The following FANCL variants were observed in gnomAD, a reference collection of about 807,000 sequenced individuals.
FANCL encodes the protein FA complementation group L.
FANCL carries 69 observed loss-of-function variants against 59.4 expected under a neutral mutation model. The observed-to-expected ratio is 1.16, with a 90% CI of 0.96 to 1.42. The LOEUF (loss-of-function observed/expected upper bound fraction) is 1.42, where lower values mean the gene tolerates loss of function less well. FANCL is among the 40% of genes most tolerant of loss of function. The pLI, the probability that FANCL is intolerant of heterozygous loss-of-function variation, is 0.00. For synonymous variants in FANCL, 180 were observed against 147.1 expected, an observed-to-expected ratio of 1.22 and a Z score of -1.62; for missense variants, 519 against 447.2, an observed-to-expected ratio of 1.16 and a Z score of -1.45.
At chr2:58,185,808 G>C (rs1688343917) in intron 7 of FANCL, among the ~76,000 whole-genome samples, 3 of 152,106 alleles carry the variant, frequency 2.0e-5, no homozygotes, top group Admixed American at 2.0e-4. Context: ...CAAAAATTCT[G>C]TTAGTTCCAT....
chr2:58,168,343 AG>A (rs1457828990), intron 7 of FANCL, among the ~76,000 whole-genome samples: 1 of 152,152 alleles, frequency 6.6e-6, no homozygotes, highest in African/African-American at 2.4e-5. Flanking sequence ...AGGAAGCGCA[AG>A]GGGTTGGGGA....
chr2:58,223,160 G>C (rs1362192156), intron 4 of FANCL, among the ~76,000 whole-genome samples: 1 of 150,894 alleles, frequency 6.6e-6, no homozygotes, highest in African/African-American at 2.4e-5. Context: ...AAACAACTGG[G>C]AAAACAGATC....
chr2:58,222,396 A>AT (rs1692574735), intron 4 of FANCL, among the ~76,000 whole-genome samples: 1 of 152,050 alleles, frequency 6.6e-6, no homozygotes, highest in African/African-American at 2.4e-5. Context: ...TGATATATAC[A>AT]TTTTTTAAAA....
At chr2:58,222,750 T>G (rs1386423369) in intron 4 of FANCL, among the ~76,000 whole-genome samples, 2 of 152,086 alleles carry the variant, frequency 1.3e-5, no homozygotes, top group South Asian at 4.1e-4. Context: ...GTTACCAACC[T>G]AGATAGACAG....
At chr2:58,229,052 T>C (rs1375455616) in intron 3 of FANCL, among the ~76,000 whole-genome samples, 2 of 152,198 alleles carry the variant, frequency 1.3e-5, no homozygotes, top group African/African-American at 2.4e-5. Context: ...CTTCATTCTA[T>C]AAATCAAATA....
chr2:58,234,456 T>C (rs941336624), intron 1 of FANCL, among the ~76,000 whole-genome samples: 1 of 150,646 alleles, frequency 6.6e-6, no homozygotes, highest in African/African-American at 2.4e-5. Context: ...GCAAGAAAAT[T>C]ACCAAATGAG....
chr2:58,225,591 C>A (rs1692921226), intron 4 of FANCL, among the ~76,000 whole-genome samples: 1 of 151,858 alleles, frequency 6.6e-6, no homozygotes, highest in South Asian at 2.1e-4. Context: ...ACCAAGGAAC[C>A]ATCAGATACC....
intron 7 of FANCL, among the ~76,000 whole-genome samples, chr2:58,175,383 C>G (rs1414744349): frequency 6.7e-6 from 1 of 150,260 alleles, no homozygotes; most frequent in African/African-American, 2.5e-5. Context: ...CAAAAATCCT[C>G]AATAAAATAC....
chr2:58,200,089 G>A (rs1007042486), intron 6 of FANCL, among the ~76,000 whole-genome samples: 4 of 150,244 alleles, frequency 2.7e-5, no homozygotes, highest in African/African-American at 9.8e-5. Context: ...AAATATTCCA[G>A]TGGTCTACTT....
intron 5 of FANCL, among the ~76,000 whole-genome samples, 170 bp from the exon 6 acceptor site, chr2:58,204,396 G>A (rs1035341784): frequency 3.9e-5 from 6 of 152,148 alleles, no homozygotes; most frequent in Non-Finnish European, 5.9e-5. Context: ...ATTTACTGCC[G>A]TTCATATACC....
chr2:58,220,522 T>C (rs528803572), intron 5 of FANCL, among the ~76,000 whole-genome samples: 2 of 152,338 alleles, frequency 1.3e-5, no homozygotes, highest in East Asian at 3.9e-4. Flanking sequence ...ACAGTGCATT[T>C]TTATCACCTC....
intron 7 of FANCL, among the ~76,000 whole-genome samples, chr2:58,198,081 G>A (rs562126730): frequency 2.6e-5 from 4 of 152,016 alleles, no homozygotes; most frequent in South Asian, 2.1e-4. Flanking sequence ...GGGTGTGGGT[G>A]TGAGTGGGTG....
Position 58,226,908 on chromosome 2 carries a change from T to C in FANCL, c.217-124A>G, listed in dbSNP as rs966214765. On this transcript the variant is annotated intron_variant, in intron 3 of 13. Transcript: ENST00000233741. ...ATTAGCTATATCTACATCTGAAAAC[T>C]ATAAGAAATGAAGTATCGGTCATCA... 2.4e-5 allele frequency: 19 copies of C among 785,842 alleles called. No individual in the cohort carries two copies. In the African/African-American group the frequency reaches 2.8e-4, roughly 12 times the overall value. 48.7% of individuals were successfully genotyped at this position (785,842 alleles called of 1,614,324 possible).
At chr2:58,191,214 T>C (rs1198508095) in intron 7 of FANCL, among the ~76,000 whole-genome samples, 1 of 151,864 alleles carries the variant, frequency 6.6e-6, no homozygotes, top group Non-Finnish European at 1.5e-5. Context: ...AGAATGTTAA[T>C]AAATTATACT....
intron 6 of FANCL, among the ~76,000 whole-genome samples, chr2:58,199,228 G>C (rs904382246): frequency 2.0e-5 from 3 of 152,142 alleles, no homozygotes; most frequent in African/African-American, 7.2e-5. Flanking sequence ...AATGAATTAA[G>C]TCAGCGTTGT....
intron 7 of FANCL, 152 bp from the exon 8 acceptor site, chr2:58,166,026 T>TCA: frequency 1.4e-6 from 1 of 702,234 alleles, no homozygotes; most frequent in Non-Finnish European, 2.4e-6. Context: ...TCTCCCTGCT[T>TCA]CACATCTCTT....
intron 1 of FANCL, among the ~76,000 whole-genome samples, chr2:58,235,523 G>C (rs904982028): frequency 6.6e-6 from 1 of 152,098 alleles, no homozygotes; most frequent in African/African-American, 2.4e-5. Context: ...CTGTTTCCAA[G>C]TAATTTAACT....
chr2:58,217,203 TATATATATATATACACACACACACACAC>T (rs1691902597), intron 5 of FANCL, among the ~76,000 whole-genome samples: 2 of 8,730 alleles, frequency 2.3e-4, no homozygotes, highest in African/African-American at 3.7e-4. Context: ...TATATATATA[TATATATATATATACACACACACACACAC>T]ACACACACAC....
intron 5 of FANCL, among the ~76,000 whole-genome samples, chr2:58,212,675 AAAC>A (rs1429453391): frequency 6.6e-6 from 1 of 152,164 alleles, no homozygotes; most frequent in African/African-American, 2.4e-5. Context: ...CCATTCTGTA[AAAC>A]AACATGGGCA....
Sources: gnomAD v4.1 joint callset for allele counts (sites outside exome capture counted in the v4.1 genomes callset) on GRCh38, gnomAD v4.1.1 for gene constraint, MANE v1.5 for transcripts, NCBI Gene and HGNC (gene_info 2026-07-23, HGNC 2026-07-21) for gene names.